Variants in ARHGEF3 observed in about 807,000 individuals in gnomAD.
ARHGEF3 encodes the protein Rho guanine nucleotide exchange factor 3, also known as 59.8 kDA protein.
A neutral mutation model predicts 63.2 loss-of-function variants in ARHGEF3; 28 were observed. The ratio of observed to expected loss-of-function variants is 0.44; its 90% CI spans 0.33 to 0.61. The LOEUF (loss-of-function observed/expected upper bound fraction) is 0.61. ARHGEF3 is among the 20% of genes least tolerant of loss of function. The pLI is 0.03. For missense variants in ARHGEF3, 533 were observed against 659.3 expected, an observed-to-expected ratio of 0.81 and a Z score of 2.10; for synonymous variants, 266 against 254.2, an observed-to-expected ratio of 1.05 and a Z score of -0.44.
rs556462991 is a variant in ARHGEF3, at chr3:56,856,563, T to C, written c.192+25729A>G. 2.8e-3 allele frequency among the ~76,000 whole-genome samples: 393 copies of C among 140,520 alleles called. 1 individual carries two copies. Among genetic ancestry groups the C allele is most frequent in the African/African-American group, 8.7e-3 (345 of 39,450 alleles). The allele number at this position is 140,520 out of a possible 152,430, so 92.2% of individuals were successfully genotyped here. A position where few individuals can be genotyped will look rare whatever the true frequency, so the allele number is the denominator to read the frequency against. ...CCTCCCCCTTCCCCACCACCCACCA[T>C]GTCCCAACCCCTCTCCCTGACCTCT... On this transcript the variant is annotated intron_variant, in intron 4 of 12. Coordinates refer to the ARHGEF3 transcript ENST00000338458.
At chr3:56,968,061 AAT>A (rs534853085) in intron 2 of ARHGEF3, among the ~76,000 whole-genome samples, 2,070 of 12,768 alleles carry the variant, frequency 0.16, 165 homozygotes, top group African/African-American at 0.31. Flanking sequence ...TAATATATAT[AAT>A]ATATATAATA....
rs1579098298 is a variant in ARHGEF3 at position 57,016,987 on chromosome 3, G to A, written c.62+18101C>T. Among the ~76,000 whole-genome samples, 4 of 147,908 alleles carry A rather than the reference G, an allele frequency of 2.7e-5. No homozygotes were observed. The South Asian group carries it at 8.5e-4, about 31-fold the overall frequency. On this transcript the variant is annotated intron_variant, in intron 2 of 12. Transcript: ENST00000338458. ...ACAGTGAGGCCTGGTGGGGGAGAGA[G>A]AGGAAAGCTTTCTCTCTGTCTCTCT...
intron 2 of ARHGEF3, among the ~76,000 whole-genome samples, chr3:56,972,951 G>T (rs755799680): frequency 6.6e-6 from 1 of 151,952 alleles, no homozygotes; most frequent in African/African-American, 2.4e-5. Flanking sequence ...GATGAGGGAT[G>T]GCAGGGACTT....
At chr3:57,064,042 G>A (rs1381790420) in intron 1 of ARHGEF3, among the ~76,000 whole-genome samples, 2 of 152,180 alleles carry the variant, frequency 1.3e-5, no homozygotes, top group African/African-American at 2.4e-5. Flanking sequence ...CCAGGGAGGG[G>A]GACTGCCTGA....
intron 2 of ARHGEF3, among the ~76,000 whole-genome samples, chr3:56,961,875 TCC>T (rs1560087008): frequency 2.0e-5 from 3 of 152,070 alleles, no homozygotes; most frequent in African/African-American, 7.2e-5. Context: ...AAACACCATC[TCC>T]GCTAAAAATA....
At chr3:56,758,757 G>C (rs62252667) in intron 2 of ARHGEF3, among the ~76,000 whole-genome samples, 1 of 152,126 alleles carries the variant, frequency 6.6e-6, no homozygotes, top group African/African-American at 2.4e-5. Flanking sequence ...CACACAGATC[G>C]CCAGCACTCG....
intron 1 of ARHGEF3, among the ~76,000 whole-genome samples, chr3:56,790,557 A>AC (rs2037027451): frequency 6.6e-6 from 1 of 151,978 alleles, no homozygotes; most frequent in African/African-American, 2.4e-5. Context: ...AGCCACTTCC[A>AC]CCCCTCCCCA....
intron 4 of ARHGEF3, among the ~76,000 whole-genome samples, chr3:56,839,340 A>T (rs910856214): frequency 6.6e-6 from 1 of 151,780 alleles, no homozygotes; most frequent in East Asian, 1.9e-4. Flanking sequence ...GGTTTTTTTG[A>T]ATTTTTTTAT....
intron 3 of ARHGEF3, among the ~76,000 whole-genome samples, chr3:56,928,434 A>T (rs924975749): frequency 2.9e-4 from 44 of 151,528 alleles, no homozygotes; most frequent in African/African-American, 1.1e-3. Flanking sequence ...CTCTGAAAAC[A>T]CTCCTTAATG....
chr3:57,016,666 T>G (rs1049600018), intron 2 of ARHGEF3, among the ~76,000 whole-genome samples: 1 of 152,176 alleles, frequency 6.6e-6, no homozygotes, highest in Non-Finnish European at 1.5e-5. Context: ...ACCGTTAGGA[T>G]GGAAAATTTA....
rs549282512 is a variant in ARHGEF3, at chr3:56,881,845, C to G, written c.192+447G>C. Reference sequence around the variant, plus strand: ...GGTAAGTACAGAATCTTGATTCAAACTAAGATCTGCTGATCCAAAGCCACT... The same window carrying G: ...GGTAAGTACAGAATCTTGATTCAAAGTAAGATCTGCTGATCCAAAGCCACT... On this transcript the variant is annotated intron_variant, in intron 4 of 12. Transcript: ENST00000338458. Among the ~76,000 whole-genome samples the G allele has an allele frequency of 3.9e-5, 6 of 152,344 alleles. No homozygotes were observed. The South Asian group carries it at 1.2e-3, about 32-fold the overall frequency.
At chr3:56,903,295 C>T (rs1306420080) in intron 3 of ARHGEF3, among the ~76,000 whole-genome samples, 1 of 152,180 alleles carries the variant, frequency 6.6e-6, no homozygotes, top group African/African-American at 2.4e-5. Flanking sequence ...CATCAGGGCT[C>T]TCATACAAGG....
intron 2 of ARHGEF3, among the ~76,000 whole-genome samples, chr3:56,968,209 TATATATTATATATAATATATATATAA>T (rs1446370868): frequency 0.015 from 301 of 20,684 alleles, 12 homozygotes; most frequent in South Asian, 0.024. Flanking sequence ...TATATAAAAA[TATATATTATATATAATATATATATAA>T]ATATATATAT....
At chr3:56,974,922 T>C (rs2106870081) in intron 2 of ARHGEF3, among the ~76,000 whole-genome samples, 1 of 152,302 alleles carries the variant, frequency 6.6e-6, no homozygotes, top group East Asian at 1.9e-4. Flanking sequence ...TCCTTGTTTG[T>C]GCTCTGCCTT....
At chr3:56,879,726 G>C (rs2040705500) in intron 4 of ARHGEF3, among the ~76,000 whole-genome samples, 1 of 151,500 alleles carries the variant, frequency 6.6e-6, no homozygotes, top group Non-Finnish European at 1.5e-5. Context: ...CTGCCAGTTA[G>C]CTCAGGGACA....
rs141271284 is a variant in ARHGEF3 at position 56,980,165 on chromosome 3, A to G, written c.63-21276T>C. Among the ~76,000 whole-genome samples, 83 of 152,330 alleles carry G rather than the reference A, an allele frequency of 5.4e-4. 2 individuals carry two copies. The East Asian group carries it at 0.013, about 24-fold the overall frequency. On this transcript the variant is annotated intron_variant, in intron 2 of 12. Transcript: ENST00000338458. ...CAGCTCAGCTTACCCTACAAATCCA[A>G]TAAGTAAGGCAGTAGCAAGAAGACT...
intron 2 of ARHGEF3, among the ~76,000 whole-genome samples, chr3:56,992,374 TTAAAAAAAAAAAA>T (rs1701783385): frequency 6.4e-5 from 3 of 46,640 alleles, no homozygotes; most frequent in African/African-American, 2.0e-4. Context: ...GAGGATGGCT[TTAAAAAAAAAAAA>T]AAAAAAAAAA....
intron 1 of ARHGEF3, among the ~76,000 whole-genome samples, chr3:56,776,485 A>T (rs2107852854): frequency 6.6e-6 from 1 of 152,328 alleles, no homozygotes; most frequent in Admixed American, 6.5e-5. Flanking sequence ...AGGTTATTGG[A>T]TCTATGGGGG....
intron 2 of ARHGEF3, among the ~76,000 whole-genome samples, chr3:57,018,882 G>A (rs1207297234): frequency 6.6e-6 from 1 of 152,030 alleles, no homozygotes; most frequent in Non-Finnish European, 1.5e-5. Context: ...CTTGCCCAAG[G>A]TCATAAAACA....
Sources: allele counts gnomAD v4.1 joint callset (sites outside exome capture counted in the v4.1 genomes callset), GRCh38; gene constraint gnomAD v4.1.1; transcripts MANE v1.5; gene names NCBI Gene and HGNC (gene_info 2026-07-23, HGNC 2026-07-21).